ELF2: variants seen among roughly 807,000 people sequenced by gnomAD.
The protein encoded by ELF2 is E74 like ETS transcription factor 2, also known as ETS-related transcription factor Elf-2.
ELF2 carries 11 observed loss-of-function variants against 54.8 expected under a neutral mutation model. The ratio of observed to expected loss-of-function variants is 0.20; its 90% CI spans 0.13 to 0.33. The LOEUF (loss-of-function observed/expected upper bound fraction) is 0.33, where lower values mean the gene tolerates loss of function less well. Among genes scored for constraint, ELF2 ranks in the 10% least tolerant of loss-of-function variants. ELF2 has a pLI of 1.00. For missense variants in ELF2, 513 were observed against 703.0 expected, an observed-to-expected ratio of 0.73 and a Z score of 3.06; for synonymous variants, 203 against 245.1, an observed-to-expected ratio of 0.83 and a Z score of 1.61.
chr4:139,071,835 G>C lies in ELF2; in HGVS notation c.526+31C>G, dbSNP rs748473060. The stretch of plus-strand genomic sequence containing the variant: ...AAAGATAAGAGAAAAATTTTCACCT[G>C]CCTTCTCAGAAATGTATAAATATAC... On this transcript the variant is annotated intron_variant, in intron 6 of 9. Transcript: ENST00000686138. 3.9e-6 allele frequency: 6 copies of C among 1,548,750 alleles called. No homozygotes were observed. In the East Asian group the frequency reaches 1.4e-4, roughly 36 times the overall value.
At chr4:139,129,334 T>C (rs904742492) in intron 3 of ELF2, among the ~76,000 whole-genome samples, 2 of 152,220 alleles carry the variant, frequency 1.3e-5, no homozygotes, top group Admixed American at 1.3e-4. Flanking sequence ...AGTGTCTCCT[T>C]TCTTTTTGCC....
intron 4 of ELF2, among the ~76,000 whole-genome samples, chr4:139,116,159 A>C (rs1489063804): frequency 6.6e-6 from 1 of 152,232 alleles, no homozygotes; most frequent in African/African-American, 2.4e-5. Flanking sequence ...CTTTTATCTA[A>C]TAATACTGTC....
chr4:139,069,369 A>C (rs1445591426), intron 6 of ELF2, among the ~76,000 whole-genome samples: 3 of 152,204 alleles, frequency 2.0e-5, no homozygotes, highest in Non-Finnish European at 2.9e-5. Flanking sequence ...TTTTAACAAA[A>C]AGTAAAACAG....
At chr4:139,129,378 T>C (rs1398981572) in intron 3 of ELF2, among the ~76,000 whole-genome samples, 1 of 152,190 alleles carries the variant, frequency 6.6e-6, no homozygotes, top group Non-Finnish European at 1.5e-5. Context: ...CCACCCATTC[T>C]TATGGTTTCA....
At chr4:139,066,538 C>G (rs1340429023) in intron 7 of ELF2, 1 of 151,972 alleles carries the variant, frequency 6.6e-6, no homozygotes. Flanking sequence ...TAGGAAAGCA[C>G]AGAATGGGGG....
At chr4:139,113,113 T>C (rs1389501803) in intron 4 of ELF2, among the ~76,000 whole-genome samples, 1 of 152,162 alleles carries the variant, frequency 6.6e-6, no homozygotes. Context: ...ATCCCAGCAC[T>C]GTGGGAGGCC....
At chr4:139,158,168 G>A (rs1740741952) in intron 1 of ELF2, among the ~76,000 whole-genome samples, 2 of 152,138 alleles carry the variant, frequency 1.3e-5, no homozygotes, top group Admixed American at 1.3e-4. Flanking sequence ...GCGGGCAGGG[G>A]TGGGGGTCAC....
At chr4:139,133,636 C>T (rs1316426749) in intron 3 of ELF2, among the ~76,000 whole-genome samples, 5 of 143,420 alleles carry the variant, frequency 3.5e-5, no homozygotes, top group African/African-American at 1.3e-4. Context: ...TTTTCCCTAC[C>T]TTTTTTTTTT....
chr4:139,138,244 C>T (rs887779084), intron 2 of ELF2, among the ~76,000 whole-genome samples: 1 of 152,036 alleles, frequency 6.6e-6, no homozygotes, highest in Admixed American at 6.6e-5. Context: ...TGGTGAAACC[C>T]CACCTTTACT....
At chr4:139,119,768 C>CT (rs1279806638) in intron 4 of ELF2, among the ~76,000 whole-genome samples, 1 of 152,238 alleles carries the variant, frequency 6.6e-6, no homozygotes, top group East Asian at 1.9e-4. Context: ...ATTTGTGCAT[C>CT]TTTTTTGTTT....
intron 1 of ELF2, among the ~76,000 whole-genome samples, chr4:139,163,605 G>A (rs1221678256): frequency 6.6e-6 from 1 of 152,108 alleles, no homozygotes. Flanking sequence ...TGTGAAGGAT[G>A]AATTTATTAA....
At chr4:139,106,916 T>A (rs1734477271) in intron 4 of ELF2, among the ~76,000 whole-genome samples, 4 of 151,894 alleles carry the variant, frequency 2.6e-5, no homozygotes, top group African/African-American at 9.6e-5. Flanking sequence ...GCTATTTTTT[T>A]TTTGTATTTA....
At chr4:139,141,026 C>T (rs1249917830) in intron 1 of ELF2, among the ~76,000 whole-genome samples, 1 of 152,118 alleles carries the variant, frequency 6.6e-6, no homozygotes, top group Admixed American at 6.6e-5. Context: ...AAGCATCTGA[C>T]ACTGTTAATC....
At chr4:139,103,466 G>A (rs1258306988) in intron 4 of ELF2, among the ~76,000 whole-genome samples, 1 of 152,192 alleles carries the variant, frequency 6.6e-6, no homozygotes, top group East Asian at 1.9e-4. Flanking sequence ...AATCAATCAT[G>A]CCTACTTAAT....
intron 7 of ELF2, 48 bp downstream of exon 7, chr4:139,067,636 A>T (rs1291449280): frequency 6.3e-7 from 1 of 1,586,316 alleles, no homozygotes; most frequent in South Asian, 1.1e-5. Context: ...AATGTCACCT[A>T]ACTGAAAAAA....
intron 4 of ELF2, among the ~76,000 whole-genome samples, chr4:139,113,372 T>C (rs987293101): frequency 1.3e-5 from 2 of 151,790 alleles, no homozygotes; most frequent in African/African-American, 4.8e-5. Context: ...TAAAATAAAA[T>C]TGGCTGAGTG....
chr4:139,170,259 CTTTTTTTTTTTTT>C (rs70940499), intron 1 of ELF2, among the ~76,000 whole-genome samples: 3 of 89,292 alleles, frequency 3.4e-5, no homozygotes, highest in Admixed American at 1.4e-4. Context: ...TCTTAATCGC[CTTTTTTTTTTTTT>C]TTTTTTTTTT....
chr4:139,073,695 C>A (rs1729852847), intron 4 of ELF2, 128 bp from the exon 5 acceptor site: 1 of 456,410 alleles, frequency 2.2e-6, no homozygotes, highest in Non-Finnish European at 3.7e-6. Context: ...AATAACATGA[C>A]TAACTCTAAG....
chr4:139,138,173 C>T (rs971774314), intron 2 of ELF2, among the ~76,000 whole-genome samples: 1 of 152,172 alleles, frequency 6.6e-6, no homozygotes, highest in East Asian at 1.9e-4. Context: ...TATTCCAGCA[C>T]TTTGGGAGGC....
Sources: allele counts gnomAD v4.1 joint callset (sites outside exome capture counted in the v4.1 genomes callset), GRCh38; gene constraint gnomAD v4.1.1; transcripts MANE v1.5; gene names NCBI Gene and HGNC (gene_info 2026-07-23, HGNC 2026-07-21).